Variants in OR7E24 observed in about 807,000 individuals in gnomAD.
OR7E24 encodes the protein olfactory receptor 7E24.
For synonymous variants in OR7E24, 130 were observed against 157.5 expected, an observed-to-expected ratio of 0.83 and a Z score of 1.31; for missense variants, 385 against 410.3, an observed-to-expected ratio of 0.94 and a Z score of 0.53.
the OR7E24 span, chr19:9,219,632 G>A: frequency 6.6e-6 from 1 of 152,212 alleles, no homozygotes; most frequent in Non-Finnish European, 1.5e-5. Context: ...AGAATTACAG[G>A]TGAGGTTGTT....
chr19:9,221,340 C>CT, the OR7E24 span, among the ~76,000 whole-genome samples: 828 of 81,198 alleles, frequency 0.01, 278 homozygotes, highest in Non-Finnish European at 0.014. Context: ...GTCTTTTGCC[C>CT]TTTTTTTTTT....
chr19:9,250,721 G>T (rs548719661), upstream of OR7E24, among the ~76,000 whole-genome samples: 22 of 152,180 alleles, frequency 1.4e-4, no homozygotes, highest in Admixed American at 1.2e-3. Context: ...TCCTTTCAAT[G>T]GATTTAATCT....
chr19:9,214,176 A>G, the OR7E24 span: 4 of 1,614,042 alleles, frequency 2.5e-6, no homozygotes, highest in African/African-American at 4.0e-5. Context: ...GGAGGAGACA[A>G]TCTGAGAGTA....
At chr19:9,250,855 G>C (rs2066143304), upstream of OR7E24, 7 of 514,568 alleles carry the variant, frequency 1.4e-5, no homozygotes, top group South Asian at 2.2e-4. Flanking sequence ...TTCTTCAATA[G>C]ACTGTCTCTA....
chr19:9,239,190 G>A, the OR7E24 span, among the ~76,000 whole-genome samples: 1 of 148,678 alleles, frequency 6.7e-6, no homozygotes, highest in Non-Finnish European at 1.5e-5. Context: ...TTTTTTTTGA[G>A]ATGGAGTCTT....
the OR7E24 span, among the ~76,000 whole-genome samples, chr19:9,232,538 C>CAAAAAAAAAAAA: frequency 1.6e-5 from 1 of 62,554 alleles, no homozygotes; most frequent in Non-Finnish European, 3.4e-5. Context: ...AACTCCGTCG[C>CAAAAAAAAAAAA]AAAAAAAAAA....
upstream of OR7E24, among the ~76,000 whole-genome samples, chr19:9,247,723 A>G (rs1393835271): frequency 6.6e-6 from 1 of 152,128 alleles, no homozygotes; most frequent in African/African-American, 2.4e-5. Flanking sequence ...TTACATTTCC[A>G]TACTCCCTTA....
At chr19:9,247,646 G>T (rs1305313069), upstream of OR7E24, 2 of 397,656 alleles carry the variant, frequency 5.0e-6, no homozygotes. Context: ...TTATGTTCGG[G>T]GTTTATTTTC....
chr19:9,227,741 T>C, the OR7E24 span, among the ~76,000 whole-genome samples: 1 of 149,802 alleles, frequency 6.7e-6, no homozygotes, highest in African/African-American at 2.5e-5. Context: ...CTGGGTAGAA[T>C]GGTATTTCTT....
chr19:9,246,215 A>G (rs2066129434), upstream of OR7E24, among the ~76,000 whole-genome samples: 1 of 151,312 alleles, frequency 6.6e-6, no homozygotes, highest in South Asian at 2.1e-4. Flanking sequence ...GATTACAGGC[A>G]CGGGCCACCA....
At chr19:9,243,241 ACC>A (rs1415115780), upstream of OR7E24, among the ~76,000 whole-genome samples, 1 of 151,938 alleles carries the variant, frequency 6.6e-6, no homozygotes, top group African/African-American at 2.4e-5. Flanking sequence ...CTCCACACAC[ACC>A]ATCCTGTCTG....
chr19:9,242,787 C>T (rs1257144474), upstream of OR7E24, among the ~76,000 whole-genome samples: 1 of 151,798 alleles, frequency 6.6e-6, no homozygotes, highest in Non-Finnish European at 1.5e-5. Context: ...TGAGACGTTG[C>T]TTCCTTCTTT....
upstream of OR7E24, among the ~76,000 whole-genome samples, chr19:9,243,009 T>G (rs1200388615): frequency 1.3e-5 from 2 of 152,184 alleles, no homozygotes; most frequent in Non-Finnish European, 2.9e-5. Flanking sequence ...TTGTAGAACA[T>G]GTAATAATTA....
chr19:9,235,137 CA>C, the OR7E24 span: 1 of 1,007,350 alleles, frequency 9.9e-7, no homozygotes, highest in Non-Finnish European at 1.5e-6. Context: ...GTAGACACAA[CA>C]GCTACATGGA....
the OR7E24 span, among the ~76,000 whole-genome samples, chr19:9,225,055 A>C: frequency 6.6e-6 from 1 of 152,134 alleles, no homozygotes; most frequent in Non-Finnish European, 1.5e-5. Flanking sequence ...CACCACCTGA[A>C]TCACCCAACA....
rs1276591252 is a variant in OR7E24, at chr19:9,251,230, A to G, written c.187A>G (p.Ile63Val). Residue 63 changes from isoleucine (I) to valine (V), a missense_variant, in exon 1 of 1, where the codon ATC becomes GTC. Physicochemically the swap from Ile to Val is conservative, Grantham distance 29. Coordinates refer to ENST00000456448, the MANE Select transcript of OR7E24 (RefSeq NM_001079935.2). ...YLVTVLGNLL[I>V]ILAVSSDSHL... The stretch of plus-strand genomic sequence containing the variant: ...GGTCACGGTGCTGGGGAACCTGCTC[A>G]TCATCCTGGCTGTCAGCTCTGACTC... The G allele has an allele frequency of 6.2e-7, 1 of 1,613,812 alleles. No individual in the cohort carries two copies. Among genetic ancestry groups the G allele is most frequent in the Non-Finnish European group, 8.5e-7 (1 of 1,179,984 alleles).
the OR7E24 span, among the ~76,000 whole-genome samples, chr19:9,223,550 C>T: frequency 6.6e-6 from 1 of 152,156 alleles, no homozygotes; most frequent in Non-Finnish European, 1.5e-5. Flanking sequence ...ATGACTTTTT[C>T]TTCCAGACAA....
chr19:9,250,897 A>T (rs905528426), upstream of OR7E24: 42 of 632,876 alleles, frequency 6.6e-5, no homozygotes, highest in African/African-American at 6.8e-4. Context: ...GGTGAATAAC[A>T]CAAAATCAAT....
chr19:9,208,852 C>T, the OR7E24 span: 1 of 151,982 alleles, frequency 6.6e-6, no homozygotes, highest in Non-Finnish European at 1.5e-5. Context: ...CCACCATGCT[C>T]AGCTAATTTT....
Sources: allele counts gnomAD v4.1 joint callset (sites outside exome capture counted in the v4.1 genomes callset), GRCh38; gene constraint gnomAD v4.1.1; transcripts MANE v1.5; gene names NCBI Gene and HGNC (gene_info 2026-07-23, HGNC 2026-07-21).